Variants in COL22A1 observed in about 807,000 individuals in gnomAD.
COL22A1 encodes the protein collagen type XXII alpha 1 chain.
In COL22A1, 221 loss-of-function variants were observed where a neutral mutation model predicts 248.9. The ratio of observed to expected loss-of-function variants is 0.89; its 90% CI spans 0.80 to 0.99. The LOEUF is 0.99. Among genes scored for constraint, COL22A1 ranks in the 50% least tolerant of loss-of-function variants. The pLI, the probability that COL22A1 is intolerant of heterozygous loss-of-function variation, is 0.00. For synonymous variants in COL22A1, 891 were observed against 793.4 expected, an observed-to-expected ratio of 1.12 and a Z score of -2.07; for missense variants, 2,240 against 2,179.0, an observed-to-expected ratio of 1.03 and a Z score of -0.56.
intron 61 of COL22A1, among the ~76,000 whole-genome samples, chr8:138,598,081 C>A: frequency 6.6e-6 from 1 of 152,228 alleles, no homozygotes. Context: ...TGGACTTCCA[C>A]CAGGGGATCT....
At chr8:138,597,884 C>A (rs1462088399) in intron 61 of COL22A1, among the ~76,000 whole-genome samples, 1 of 152,194 alleles carries the variant, frequency 6.6e-6, no homozygotes, top group African/African-American at 2.4e-5. Flanking sequence ...GGCCAAGAGA[C>A]AGGCTCTGGC....
Position 138,695,031 on chromosome 8 carries a change from G to A in COL22A1, c.2593-152C>T, listed in dbSNP as rs10112470. ...CCCCAAAGGCTGTTCCCTCTGCCTG[G>A]GGGTTCTTCCCTCCTACTCCCCAGG... On this transcript the variant is annotated intron_variant, in intron 32 of 64. Coordinates refer to ENST00000303045, the MANE Select transcript of COL22A1 (RefSeq NM_152888.3). 3.5e-3 allele frequency: 2,292 copies of A among 663,712 alleles called. 36 individuals are homozygous for A. The African/African-American group carries it at 0.037, about 11-fold the overall frequency. 41.1% of individuals were successfully genotyped at this position (663,712 alleles called of 1,614,324 possible).
At chr8:138,612,243 G>A (rs1232785272) in intron 56 of COL22A1, among the ~76,000 whole-genome samples, 3 of 152,076 alleles carry the variant, frequency 2.0e-5, no homozygotes, top group Non-Finnish European at 4.4e-5. Flanking sequence ...GAATTATATT[G>A]ATAATATATA....
chr8:138,661,965 G>T, intron 43 of COL22A1, 65 bp downstream of exon 43: 1 of 1,274,188 alleles, frequency 7.8e-7, no homozygotes, highest in Non-Finnish European at 1.1e-6. Flanking sequence ...GGAGATGGTG[G>T]AGGGCGGGCT....
intron 55 of COL22A1, among the ~76,000 whole-genome samples, chr8:138,615,094 G>T (rs1002136978): frequency 2.0e-5 from 3 of 152,188 alleles, no homozygotes; most frequent in African/African-American, 7.2e-5. Context: ...ACATGCAAAG[G>T]GCTGGTCCCT....
chr8:138,856,620 A>G (rs1204720998), intron 3 of COL22A1, among the ~76,000 whole-genome samples: 2 of 144,438 alleles, frequency 1.4e-5, no homozygotes, highest in Non-Finnish European at 3.0e-5. Context: ...GAGAGAGAGG[A>G]GCAGAGAAAG....
intron 49 of COL22A1, among the ~76,000 whole-genome samples, chr8:138,631,332 T>C (rs1820704385): frequency 1.3e-5 from 2 of 152,314 alleles, no homozygotes; most frequent in South Asian, 4.1e-4. Flanking sequence ...GCTGAGCTAT[T>C]CTCTGGGAAT....
chr8:138,667,754 C>A (rs1238670076), intron 41 of COL22A1, among the ~76,000 whole-genome samples: 1 of 152,016 alleles, frequency 6.6e-6, no homozygotes, highest in African/African-American at 2.4e-5. Flanking sequence ...GTCTGCAACC[C>A]TTGATGTACT....
At chr8:138,783,860 T>C (rs1452146194) in intron 12 of COL22A1, among the ~76,000 whole-genome samples, 1 of 152,188 alleles carries the variant, frequency 6.6e-6, no homozygotes, top group Admixed American at 6.5e-5. Flanking sequence ...GGCTTACTCA[T>C]GCCCTTGTTG....
intron 22 of COL22A1, among the ~76,000 whole-genome samples, chr8:138,745,648 A>G (rs1269035102): frequency 1.3e-5 from 2 of 152,240 alleles, no homozygotes; most frequent in African/African-American, 4.8e-5. Flanking sequence ...TAAGAAAAAT[A>G]TCAGATAAAT....
intron 4 of COL22A1, among the ~76,000 whole-genome samples, chr8:138,838,063 A>C: frequency 6.6e-6 from 1 of 152,310 alleles, no homozygotes; most frequent in South Asian, 2.1e-4. Flanking sequence ...TTGAGGCAGC[A>C]GAAGCAGTGG....
At chr8:138,716,913 T>G (rs762864645) in intron 27 of COL22A1, 44 bp from the exon 28 acceptor site, 84 of 1,443,328 alleles carry the variant, frequency 5.8e-5, no homozygotes, top group Non-Finnish European at 7.5e-5. Context: ...CCATTCACTT[T>G]AAAGAGATGA....
At chr8:138,757,907 C>T (rs754456057) in intron 18 of COL22A1, among the ~76,000 whole-genome samples, 1 of 152,260 alleles carries the variant, frequency 6.6e-6, no homozygotes, top group Admixed American at 6.5e-5. Context: ...GTAGTCCCTG[C>T]TTCCTGCATG....
intron 5 of COL22A1, among the ~76,000 whole-genome samples, chr8:138,831,257 C>G (rs1820025208): frequency 6.6e-6 from 1 of 152,166 alleles, no homozygotes; most frequent in African/African-American, 2.4e-5. Context: ...CAAAGCCAGT[C>G]TTTGCCAGAC....
At chr8:138,760,675 T>C (rs1833402031) in intron 17 of COL22A1, among the ~76,000 whole-genome samples, 1 of 152,002 alleles carries the variant, frequency 6.6e-6, no homozygotes, top group Non-Finnish European at 1.5e-5. Context: ...TCCTTAGAGC[T>C]GAGGACTGGT....
intron 43 of COL22A1, among the ~76,000 whole-genome samples, chr8:138,661,035 T>TAG (rs758137405): frequency 1.5e-5 from 2 of 134,282 alleles, no homozygotes; most frequent in African/African-American, 6.4e-5. Flanking sequence ...CACACACATA[T>TAG]ACAGACACAC....
intron 46 of COL22A1, among the ~76,000 whole-genome samples, chr8:138,647,546 C>T (rs1050084980): frequency 2.0e-5 from 3 of 152,168 alleles, no homozygotes; most frequent in Non-Finnish European, 2.9e-5. Context: ...AATATACGTG[C>T]ATGTATAATT....
chr8:138,674,237 G>C lies in COL22A1; in HGVS notation c.3150+2321C>G, dbSNP rs140010543. 6.5e-4 allele frequency among the ~76,000 whole-genome samples: 99 copies of C among 152,202 alleles called. 1 individual carries two copies. Among genetic ancestry groups the C allele is most frequent in the African/African-American group, 2.3e-3 (96 of 41,514 alleles). ...AGGAGGTAGATGTGGATGCTTTGAG[G>C]CCCAGCACAAGATATGACACAGGAC... On this transcript the variant is annotated intron_variant, in intron 41 of 64. Transcript: ENST00000303045.
intron 10 of COL22A1, among the ~76,000 whole-genome samples, chr8:138,804,897 T>C (rs1197950254): frequency 6.8e-6 from 1 of 146,396 alleles, no homozygotes; most frequent in Admixed American, 6.8e-5. Flanking sequence ...GGTGGCTGTG[T>C]GTGGTGGGTG....
Sources: gnomAD v4.1 joint callset for allele counts (sites outside exome capture counted in the v4.1 genomes callset) on GRCh38, gnomAD v4.1.1 for gene constraint, MANE v1.5 for transcripts, NCBI Gene and HGNC (gene_info 2026-07-23, HGNC 2026-07-21) for gene names.